Variants in SORCS3 observed in about 807,000 individuals in gnomAD.
SORCS3 encodes the protein VPS10 domain-containing receptor SorCS3.
In SORCS3, 57 loss-of-function variants were observed where a neutral mutation model predicts 146.3. The ratio of observed to expected loss-of-function variants is 0.39; its 90% CI spans 0.31 to 0.49. The LOEUF (loss-of-function observed/expected upper bound fraction) is 0.49. Among genes scored for constraint, SORCS3 ranks in the 20% least tolerant of loss-of-function variants. The pLI, the probability that SORCS3 is intolerant of heterozygous loss-of-function variation, is 0.92. For synonymous variants in SORCS3, 653 were observed against 618.5 expected (o/e 1.06, Z -0.83); for missense variants, 1,341 against 1,575.5 (o/e 0.85, Z 2.52).
At chr10:105,038,316 C>T (rs1361795314) in intron 4 of SORCS3, among the ~76,000 whole-genome samples, 1 of 152,104 alleles carries the variant, frequency 6.6e-6, no homozygotes, top group African/African-American at 2.4e-5. Context: ...GAGTTGAAGC[C>T]ATGCAGGACT....
At position 105,127,732 on chromosome 10, in the gene SORCS3, C is replaced by T. The variant is rs142556286; in HGVS notation, c.1213-11665C>T. 5.3e-3 allele frequency among the ~76,000 whole-genome samples: 807 copies of T among 152,196 alleles called. 4 individuals carry two copies. The highest frequency in any genetic ancestry group is 8.6e-3 in the Non-Finnish European group (586 of 68,006). ...CCTGCTTCCCTCTAATTTGGAACAA[C>T]AGCTGGTAAGTGCAACAAGCAAGCC... is the stretch of plus-strand genomic sequence containing the variant. On this transcript the variant is annotated intron_variant, in intron 7 of 26. Transcript: ENST00000369701.
At position 104,897,684 on chromosome 10, in the gene SORCS3, G is replaced by T. The variant is rs576375743; in HGVS notation, c.696-18149G>T. 1.2e-4 allele frequency among the ~76,000 whole-genome samples: 19 copies of T among 152,314 alleles called. No individual in the cohort carries two copies. The East Asian group carries it at 3.7e-3, about 29-fold the overall frequency. ...TGGTAGAGGAATTTTAGAGATCAATGACAGAAACTGGAGAGAAAGTTTGAT... is the reference window on the plus strand; with the variant it reads ...TGGTAGAGGAATTTTAGAGATCAATTACAGAAACTGGAGAGAAAGTTTGAT... On this transcript the variant is annotated intron_variant, in intron 2 of 26. Coordinates refer to ENST00000369701, the MANE Select transcript of SORCS3 (RefSeq NM_014978.3).
chr10:104,964,794 T>G (rs1264705741), intron 3 of SORCS3, among the ~76,000 whole-genome samples: 1 of 152,190 alleles, frequency 6.6e-6, no homozygotes. Context: ...AAGTACACAT[T>G]GTTTTACGAC....
intron 3 of SORCS3, among the ~76,000 whole-genome samples, chr10:104,940,219 TATATATATATATATATATA>T (rs1286440451): frequency 3.4e-4 from 5 of 14,644 alleles, no homozygotes; most frequent in South Asian, 7.6e-3. Flanking sequence ...TATATATATA[TATATATATATATATATATA>T]TTTTTTTTTT....
At chr10:104,671,673 T>C (rs547802864) in intron 1 of SORCS3, among the ~76,000 whole-genome samples, 3 of 151,956 alleles carry the variant, frequency 2.0e-5, no homozygotes, top group Non-Finnish European at 2.9e-5. Flanking sequence ...TTGTTGAGTG[T>C]TTTTATCATG....
At chr10:105,149,469 G>A (rs10786847) in intron 9 of SORCS3, among the ~76,000 whole-genome samples, 35,811 of 151,976 alleles carry the variant, frequency 0.24, 4,441 homozygotes, top group Admixed American at 0.34. Flanking sequence ...ACTAAGGGGA[G>A]TAAATACCTT....
At chr10:105,251,494 T>C (rs2056898186) in intron 22 of SORCS3, among the ~76,000 whole-genome samples, 1 of 152,090 alleles carries the variant, frequency 6.6e-6, no homozygotes, top group Non-Finnish European at 1.5e-5. Context: ...GTGGACATGG[T>C]CTATATCTCT....
chr10:104,766,797 G>C (rs578262436), intron 1 of SORCS3, among the ~76,000 whole-genome samples: 9 of 152,194 alleles, frequency 5.9e-5, no homozygotes, highest in South Asian at 4.1e-4. Flanking sequence ...TGCTGTGTGT[G>C]GTGGAGTATA....
intron 2 of SORCS3, among the ~76,000 whole-genome samples, chr10:104,852,031 G>A (rs2018278768): frequency 6.6e-6 from 1 of 152,150 alleles, no homozygotes; most frequent in Admixed American, 6.5e-5. Context: ...AATGTTTTGT[G>A]CCCAAGTTAA....
At chr10:104,794,556 A>G (rs1251368773) in intron 1 of SORCS3, among the ~76,000 whole-genome samples, 1 of 151,634 alleles carries the variant, frequency 6.6e-6, no homozygotes, top group Non-Finnish European at 1.5e-5. Context: ...GGATTTAAAC[A>G]GACAATCAAG....
Position 105,262,416 on chromosome 10 carries a change from G to A in SORCS3, c.3529G>A (p.Ala1177Thr), listed in dbSNP as rs140421862. ...MIGSVSQSENAPKITLSDFTE... is the reference protein window; with the variant it reads ...MIGSVSQSENTPKITLSDFTE... Reference sequence around the variant, plus strand: ...TGGGTCAGTGAGCCAAAGTGAAAACGCCCCCAAAATCACACTCAGTGACTT... The same window carrying A: ...TGGGTCAGTGAGCCAAAGTGAAAACACCCCCAAAATCACACTCAGTGACTT... The change falls in exon 26 of 27, where the codon GCC becomes ACC. Residue 1177 changes from alanine (A) to threonine (T), a missense_variant. Ala to Thr is a moderately conservative substitution (Grantham distance 58, BLOSUM62 0). Coordinates refer to ENST00000369701, the MANE Select transcript of SORCS3 (RefSeq NM_014978.3). 2.9e-4 allele frequency: 473 copies of A among 1,613,954 alleles called. No homozygotes were observed. Among genetic ancestry groups the A allele is most frequent in the Non-Finnish European group, 3.3e-4 (393 of 1,179,936 alleles).
chr10:105,242,332 A>G lies in SORCS3; in HGVS notation c.2869-3210A>G, dbSNP rs1371219803. Among the ~76,000 whole-genome samples, 7 of 129,292 alleles carry G rather than the reference A, an allele frequency of 5.4e-5. 1 individual carries two copies. Among genetic ancestry groups the G allele is most frequent in the South Asian group, 2.2e-4 (1 of 4,506 alleles). The allele number at this position is 129,292 out of a possible 152,430, so 84.8% of individuals were successfully genotyped here. ...TATTTATATATATATTTATACATAT[A>G]TTTATATATATATTTATACATATAT... On this transcript the variant is annotated intron_variant, in intron 20 of 26. Transcript: ENST00000369701.
chr10:104,791,843 GT>G (rs1262976118), intron 1 of SORCS3, among the ~76,000 whole-genome samples: 1 of 152,154 alleles, frequency 6.6e-6, no homozygotes, highest in Non-Finnish European at 1.5e-5. Context: ...AAGCAGATTA[GT>G]TATGAATGAA....
chr10:105,083,251 C>G (rs2133735500), intron 5 of SORCS3, among the ~76,000 whole-genome samples: 1 of 151,816 alleles, frequency 6.6e-6, no homozygotes, highest in African/African-American at 2.4e-5. Context: ...TTTCTAGAAA[C>G]TTTCTAGGAG....
chr10:104,731,573 T>C (rs540132184), intron 1 of SORCS3, among the ~76,000 whole-genome samples: 1 of 152,162 alleles, frequency 6.6e-6, no homozygotes, highest in Admixed American at 6.5e-5. Context: ...TAGTCTACCT[T>C]CCAGACTCTA....
intron 9 of SORCS3, among the ~76,000 whole-genome samples, chr10:105,152,527 C>A (rs569738976): frequency 2.0e-3 from 305 of 152,204 alleles, no homozygotes; most frequent in Non-Finnish European, 1.7e-3. Context: ...ACCAGAAATA[C>A]TTGATCGGTA....
intron 2 of SORCS3, among the ~76,000 whole-genome samples, chr10:104,860,680 T>C (rs781210644): frequency 2.2e-4 from 33 of 152,212 alleles, no homozygotes; most frequent in Non-Finnish European, 4.3e-4. Context: ...CGAAGTGCTT[T>C]ACATATGTTT....
chr10:104,905,027 A>G (rs556529349), intron 2 of SORCS3, among the ~76,000 whole-genome samples: 2 of 152,296 alleles, frequency 1.3e-5, no homozygotes, highest in South Asian at 4.1e-4. Flanking sequence ...ACTTCTAGCT[A>G]ATTGCTTTTT....
At chr10:104,912,058 CCT>C (rs577766431) in intron 2 of SORCS3, among the ~76,000 whole-genome samples, 7 of 152,264 alleles carry the variant, frequency 4.6e-5, no homozygotes, top group African/African-American at 1.7e-4. Context: ...GGAGTTGAGC[CCT>C]GTCTTTCCCC....
Sources: allele counts gnomAD v4.1 joint callset (sites outside exome capture counted in the v4.1 genomes callset), GRCh38; gene constraint gnomAD v4.1.1; transcripts MANE v1.5; gene names NCBI Gene and HGNC (gene_info 2026-07-23, HGNC 2026-07-21).